The following SLC7A2 variants were observed in gnomAD, a reference collection of about 807,000 sequenced individuals.
SLC7A2 encodes solute carrier family 7 member 2, also known as cationic amino acid transporter 2.
Under a neutral mutation model 58.9 loss-of-function variants are expected in SLC7A2, and 48 were observed. The observed-to-expected ratio is 0.82, with a 90% CI of 0.65 to 1.04. The LOEUF is 1.04. SLC7A2 is among the 50% of genes least tolerant of loss of function. SLC7A2 has a pLI of 0.00. For missense variants in SLC7A2, 1,029 were observed against 818.8 expected (o/e 1.26, Z -3.13); for synonymous variants, 363 against 314.5 (o/e 1.15, Z -1.63).
intron 10 of SLC7A2, 120 bp downstream of exon 10, chr8:17,560,653 T>A: frequency 1.3e-6 from 1 of 786,558 alleles, no homozygotes. Flanking sequence ...GCAACCACCC[T>A]GAAATTTTCA....
chr8:17,522,136 AG>A (rs1563446247), intron 2 of SLC7A2, among the ~76,000 whole-genome samples: 5 of 152,198 alleles, frequency 3.3e-5, no homozygotes, highest in Non-Finnish European at 7.3e-5. Context: ...ATGGACTCAC[AG>A]TTCCACATGG....
rs770530994 is a variant in SLC7A2, at chr8:17,563,654, T to A, written c.1723T>A (p.Leu575Met). The change falls in exon 12 of 13, where the codon TTG (leucine) becomes ATG (methionine). Residue 575 changes from leucine to methionine, a missense_variant. Transcript: ENST00000494857. ...GTTCAGCATCTTGGTGAACATTTAC[T>A]TGATGGTCCAGTTAAGTGCAGACAC... is the stretch of plus-strand genomic sequence containing the variant. Reference protein sequence around the residue: ...PAFSILVNIYLMVQLSADTWV... With the variant: ...PAFSILVNIYMMVQLSADTWV... 110 of 1,613,714 alleles carry A rather than the reference T, an allele frequency of 6.8e-5. 2 individuals carry two copies. In the Admixed American group the frequency reaches 7.0e-4, roughly 10 times the overall value.
rs758661280 is a variant in SLC7A2, at chr8:17,543,485, G to C, written c.146G>C (p.Gly49Ala). 1 of 1,614,126 alleles carries C rather than the reference G, an allele frequency of 6.2e-7. No homozygotes were observed. Among genetic ancestry groups the C allele is most frequent in the Admixed American group, 1.7e-5 (1 of 60,008 alleles). Residue 49 changes from glycine (G) to alanine (A), a missense_variant, in exon 3 of 13, where the codon GGG becomes GCG. By Grantham distance (60) the Gly-to-Ala change is moderately conservative. Coordinates refer to ENST00000494857, the MANE Select transcript of SLC7A2 (RefSeq NM_001370338.1). ...LIALGVGSTL[G>A]AGVYVLAGEV... is the part of the protein sequence containing the mutation. The stretch of plus-strand genomic sequence containing the variant: ...GCCCTGGGCGTTGGAAGCACCCTTG[G>C]GGCCGGGGTTTATGTCCTCGCTGGG...
At chr8:17,562,195 T>G in intron 11 of SLC7A2, 85 bp downstream of exon 11, 1 of 123,588 alleles carries the variant, frequency 8.1e-6, no homozygotes, top group Non-Finnish European at 1.4e-5. Context: ...TTTTTTTTTT[T>G]TTTTTTTTTT....
intron 1 of SLC7A2, among the ~76,000 whole-genome samples, chr8:17,497,764 C>T (rs887645235): frequency 1.1e-4 from 17 of 152,298 alleles, no homozygotes; most frequent in African/African-American, 3.6e-4. Flanking sequence ...TCACATTCTG[C>T]AGGGGACCTG....
At chr8:17,559,634 G>A (rs1297456002) in intron 9 of SLC7A2, among the ~76,000 whole-genome samples, 1 of 152,164 alleles carries the variant, frequency 6.6e-6, no homozygotes, top group East Asian at 1.9e-4. Context: ...TTGCTATCAT[G>A]AGAACAGCAT....
chr8:17,527,935 T>A (rs1486765847), intron 2 of SLC7A2, among the ~76,000 whole-genome samples: 1 of 152,202 alleles, frequency 6.6e-6, no homozygotes, highest in Non-Finnish European at 1.5e-5. Context: ...ATTAGGATTT[T>A]TTTATGTGAC....
At chr8:17,498,884 G>T (rs1462413659) in intron 1 of SLC7A2, 1 of 152,258 alleles carries the variant, frequency 6.6e-6, no homozygotes, top group East Asian at 1.9e-4. Context: ...AGCTAGCTGG[G>T]GAGACAGGGG....
chr8:17,506,467 G>A (rs1443564154), intron 2 of SLC7A2, among the ~76,000 whole-genome samples: 3 of 152,134 alleles, frequency 2.0e-5, no homozygotes, highest in African/African-American at 7.2e-5. Flanking sequence ...TGTCCTGTGC[G>A]AAATTTCAGA....
upstream of SLC7A2, among the ~76,000 whole-genome samples, chr8:17,496,648 C>T (rs1403723866): frequency 6.6e-6 from 1 of 152,194 alleles, no homozygotes; most frequent in African/African-American, 2.4e-5. Flanking sequence ...AAAGCACATC[C>T]ACCTGGGCTT....
At position 17,554,587 on chromosome 8, in the gene SLC7A2, T is replaced by C; in HGVS notation, c.1083T>C (p.Pro361=). 1 of 1,607,936 alleles carries C rather than the reference T, an allele frequency of 6.2e-7. No homozygotes were observed. The change falls in exon 8 of 13, where the codon CCT becomes CCC. Residue 361 remains proline, a synonymous_variant. Coordinates refer to ENST00000494857, the MANE Select transcript of SLC7A2 (RefSeq NM_001370338.1). ...TSLLGSIFPM[P]RVIYAMAEDG... is the part of the protein sequence containing the mutation. ...TTCTTGGATCCATTTTCCCAATGCC[T>C]CGTGTAATCTATGCTATGGCGGAGG...
Position 17,501,144 on chromosome 8 carries a change from G to C in SLC7A2, c.-68-1113G>C, listed in dbSNP as rs146303647. ...TTCTCATGCCTCAGCCTCCCGAGTA[G>C]CTGGGATTACAGGCGTGTGCCACCA... On this transcript the variant is annotated intron_variant, in intron 1 of 12. Transcript: ENST00000494857. Among the ~76,000 whole-genome samples, 726 of 152,168 alleles carry C rather than the reference G, an allele frequency of 4.8e-3. 5 individuals are homozygous for C. Among genetic ancestry groups the C allele is most frequent in the African/African-American group, 0.017 (686 of 41,524 alleles).
intron 2 of SLC7A2, among the ~76,000 whole-genome samples, chr8:17,507,323 T>C (rs540480563): frequency 3.3e-5 from 5 of 152,224 alleles, no homozygotes; most frequent in South Asian, 2.1e-4. Flanking sequence ...TATAATTTAT[T>C]ATATAATTTT....
chr8:17,553,129 C>A (rs1164243591), intron 7 of SLC7A2, among the ~76,000 whole-genome samples: 1 of 152,168 alleles, frequency 6.6e-6, no homozygotes, highest in African/African-American at 2.4e-5. Flanking sequence ...TCATAGTTCA[C>A]TGAGGCTCGA....
chr8:17,543,209 C>A, intron 2 of SLC7A2, 109 bp from the exon 3 acceptor site: 2 of 979,584 alleles, frequency 2.0e-6, no homozygotes, highest in East Asian at 2.5e-5. Flanking sequence ...CACACACACA[C>A]ACACACAAAC....
At position 17,560,422 on chromosome 8, in the gene SLC7A2, C is replaced by T. The variant is rs1439189685; in HGVS notation, c.1393C>T (p.Gln465Ter). ...CAGGGTAACCTCGAAGAGTGAGTCC[C>T]AGGTCACCATGCTGCAGAGACAGGG... Reference protein sequence around the residue: ...SPRVTSKSESQVTMLQRQGFS... With the variant: ...SPRVTSKSES Residue 465 changes from glutamine to a stop codon, truncating the protein, a stop_gained, in exon 10 of 13, where the codon CAG (glutamine) becomes TAG (stop). Transcript: ENST00000494857. LOFTEE classifies it high-confidence loss of function. 1 of 1,614,022 alleles carries T rather than the reference C, an allele frequency of 6.2e-7. No homozygotes were observed. Among genetic ancestry groups the T allele is most frequent in the Non-Finnish European group, 8.5e-7 (1 of 1,179,912 alleles).
Position 17,544,545 on chromosome 8 carries a change from T to G in SLC7A2, c.471T>G (p.Asn157Lys), listed in dbSNP as rs763486369. 6.2e-7 allele frequency: 1 copy of G among 1,614,060 alleles called. No homozygotes were observed. Among genetic ancestry groups the G allele is most frequent in the Non-Finnish European group, 8.5e-7 (1 of 1,179,958 alleles). ...GQFLRTYFRM[N>K]YTGLAEYPDF... ...TTTTGAGGACATACTTCAGAATGAA[T>G]TACACTGGTCTTGCAGAATATCCCG... Residue 157 changes from asparagine to lysine, a missense_variant, in exon 4 of 13, where the codon AAT becomes AAG. Asn to Lys is a moderately conservative substitution (Grantham distance 94). Transcript: ENST00000494857.
At chr8:17,545,912 A>G (rs962911072) in intron 4 of SLC7A2, among the ~76,000 whole-genome samples, 1 of 152,206 alleles carries the variant, frequency 6.6e-6, no homozygotes, top group Non-Finnish European at 1.5e-5. Flanking sequence ...TTACTCAAAA[A>G]TTATATAATT....
intron 2 of SLC7A2, chr8:17,510,639 A>G (rs1298275290): frequency 6.6e-6 from 1 of 152,184 alleles, no homozygotes; most frequent in Non-Finnish European, 1.5e-5. Context: ...TTCCTTTGAT[A>G]AGTGTCTGTT....
Sources: allele counts gnomAD v4.1 joint callset (sites outside exome capture counted in the v4.1 genomes callset), GRCh38; gene constraint gnomAD v4.1.1; transcripts MANE v1.5; gene names NCBI Gene and HGNC (gene_info 2026-07-23, HGNC 2026-07-21).